The following SUCLG2 variants were observed in gnomAD, a reference collection of about 807,000 sequenced individuals.
SUCLG2 encodes the protein succinate--CoA ligase [GDP-forming] subunit beta, mitochondrial.
SUCLG2 carries 42 observed loss-of-function variants against 47.9 expected under a neutral mutation model. The observed-to-expected ratio is 0.88, with a 90% CI of 0.69 to 1.14. The LOEUF (loss-of-function observed/expected upper bound fraction) is 1.14. Ranked by LOEUF, SUCLG2 falls within the 50% of genes most tolerant of loss-of-function variation. The pLI is 0.00. For synonymous variants in SUCLG2, 195 were observed against 197.3 expected, an observed-to-expected ratio of 0.99 and a Z score of 0.10; for missense variants, 571 against 525.9, an observed-to-expected ratio of 1.09 and a Z score of -0.84.
At chr3:67,394,930 T>A (rs111763997) in intron 10 of SUCLG2, among the ~76,000 whole-genome samples, 10,968 of 151,980 alleles carry the variant, frequency 0.072, 406 homozygotes, top group Middle Eastern at 0.14. Flanking sequence ...CTAAACTGCA[T>A]AAGTGAAGGA....
At chr3:67,654,267 G>A (rs951350834) in intron 1 of SUCLG2, among the ~76,000 whole-genome samples, 2 of 152,252 alleles carry the variant, frequency 1.3e-5, no homozygotes, top group African/African-American at 2.4e-5. Context: ...GGAGACTCTA[G>A]TGCGTTGGGT....
chr3:67,608,337 CT>C (rs1700462299), intron 2 of SUCLG2, among the ~76,000 whole-genome samples: 2 of 152,196 alleles, frequency 1.3e-5, no homozygotes, highest in Admixed American at 6.5e-5. Flanking sequence ...TGACTAAAAT[CT>C]CTGAAAAATT....
intron 9 of SUCLG2, 25 bp from the exon 10 acceptor site, chr3:67,400,876 C>T: frequency 1.2e-6 from 2 of 1,611,864 alleles, no homozygotes; most frequent in Non-Finnish European, 1.7e-6. Context: ...AAAAAGTTAC[C>T]AATCAAAATG....
chr3:67,576,965 G>A (rs1005671704), intron 2 of SUCLG2, among the ~76,000 whole-genome samples: 1 of 152,004 alleles, frequency 6.6e-6, no homozygotes, highest in African/African-American at 2.4e-5. Context: ...AACCACCTGA[G>A]TTTAAAGAAC....
At chr3:67,373,294 A>C (rs74571296), downstream of SUCLG2, among the ~76,000 whole-genome samples, 23,159 of 151,916 alleles carry the variant, frequency 0.15, 1,911 homozygotes, top group Middle Eastern at 0.23. Flanking sequence ...GAAAACTGAG[A>C]GGAAGAGACA....
rs149921194 is a variant in SUCLG2, at chr3:67,633,979, G to A, written c.84+20524C>T. 8.3e-3 allele frequency among the ~76,000 whole-genome samples: 1,267 copies of A among 151,966 alleles called. 15 individuals are homozygous for A. The highest frequency in any genetic ancestry group is 0.02 in the Middle Eastern group (6 of 294). ...CCAGTATAAGACTACTCCATTCCTG[G>A]AATAAAGTATTCATTTTATAACCAT... On this transcript the variant is annotated intron_variant, in intron 1 of 10. Transcript: ENST00000307227.
chr3:67,495,113 G>T (rs964483676), intron 9 of SUCLG2, among the ~76,000 whole-genome samples: 13 of 152,066 alleles, frequency 8.5e-5, no homozygotes, highest in Non-Finnish European at 1.2e-4. Context: ...CCAATATATG[G>T]TAATACCTTC....
chr3:67,628,003 G>GT (rs1178312970), intron 1 of SUCLG2, among the ~76,000 whole-genome samples: 1 of 152,052 alleles, frequency 6.6e-6, no homozygotes, highest in Non-Finnish European at 1.5e-5. Context: ...TTTTTTTGGA[G>GT]TTTTTTGCCC....
At chr3:67,499,936 T>C (rs914492744) in intron 7 of SUCLG2, among the ~76,000 whole-genome samples, 9 of 152,224 alleles carry the variant, frequency 5.9e-5, no homozygotes, top group African/African-American at 2.2e-4. Context: ...TTTCACCGTG[T>C]TAGCCAGGAT....
intron 9 of SUCLG2, chr3:67,408,626 C>T (rs4320072): frequency 0.79 from 803,580 of 1,018,696 alleles, 318,260 homozygotes; most frequent in Admixed American, 0.88. Flanking sequence ...AATTAGACTC[C>T]AATCTGTCCT....
intron 9 of SUCLG2, among the ~76,000 whole-genome samples, chr3:67,433,188 C>G (rs976228280): frequency 6.6e-5 from 10 of 152,100 alleles, no homozygotes; most frequent in Admixed American, 3.9e-4. Flanking sequence ...AAAAGCTACC[C>G]CATAGAACAC....
At chr3:67,479,444 T>C (rs138149735) in intron 9 of SUCLG2, among the ~76,000 whole-genome samples, 41 of 152,340 alleles carry the variant, frequency 2.7e-4, no homozygotes, top group African/African-American at 9.1e-4. Context: ...TCAAAGTTGA[T>C]TCAACATCTC....
rs181061620 is a variant in SUCLG2, at chr3:67,506,669, T to C, written c.757+2138A>G. Among the ~76,000 whole-genome samples the C allele has an allele frequency of 6.6e-5, 10 of 152,310 alleles. No homozygotes were observed. The East Asian group carries it at 1.5e-3, about 23-fold the overall frequency. ...TTGCAGCCATTTTTATCCCACTCCA[T>C]AGCTACAGCTACATTTCCATTTTTC... On this transcript the variant is annotated intron_variant, in intron 7 of 10. Coordinates refer to ENST00000307227, the MANE Select transcript of SUCLG2 (RefSeq NM_003848.4).
At chr3:67,393,684 C>T (rs546106822) in intron 10 of SUCLG2, among the ~76,000 whole-genome samples, 12 of 152,298 alleles carry the variant, frequency 7.9e-5, no homozygotes, top group South Asian at 2.1e-4. Context: ...TCTCCTGGCA[C>T]GCAGCTGGAG....
At chr3:67,393,882 A>G (rs1342079678) in intron 10 of SUCLG2, among the ~76,000 whole-genome samples, 1 of 152,200 alleles carries the variant, frequency 6.6e-6, no homozygotes, top group Non-Finnish European at 1.5e-5. Flanking sequence ...ACTGTTCTGC[A>G]GCCACCGCCA....
intron 1 of SUCLG2, among the ~76,000 whole-genome samples, chr3:67,620,168 C>T (rs1700708029): frequency 6.6e-6 from 1 of 152,202 alleles, no homozygotes; most frequent in Admixed American, 6.5e-5. Flanking sequence ...GTAATCAGCA[C>T]AGACAAGTTC....
intron 9 of SUCLG2, among the ~76,000 whole-genome samples, chr3:67,435,909 T>C (rs1294205627): frequency 6.6e-6 from 1 of 152,196 alleles, no homozygotes; most frequent in African/African-American, 2.4e-5. Flanking sequence ...TGAAGTTCTA[T>C]TAATACTGTT....
chr3:67,512,092 G>C (rs1448380854), intron 6 of SUCLG2, among the ~76,000 whole-genome samples: 2 of 151,094 alleles, frequency 1.3e-5, no homozygotes, highest in Admixed American at 6.6e-5. Context: ...CTGGTCTCAA[G>C]CAATCCTCTT....
chr3:67,502,494 T>C (rs182851914), intron 7 of SUCLG2, among the ~76,000 whole-genome samples: 7 of 152,244 alleles, frequency 4.6e-5, no homozygotes, highest in African/African-American at 1.7e-4. Context: ...GTCTATACAA[T>C]GGGGATCAGA....
Sources: allele counts gnomAD v4.1 joint callset (sites outside exome capture counted in the v4.1 genomes callset), GRCh38; gene constraint gnomAD v4.1.1; transcripts MANE v1.5; gene names NCBI Gene and HGNC (gene_info 2026-07-23, HGNC 2026-07-21).